NAV2: variants seen among roughly 807,000 people sequenced by gnomAD.
NAV2 encodes helicase, APC down-regulated 1.
NAV2 carries 54 observed loss-of-function variants against 223.2 expected under a neutral mutation model. The ratio of observed to expected loss-of-function variants is 0.24; its 90% CI spans 0.19 to 0.30. NAV2 has a LOEUF of 0.30. Among genes scored for constraint, NAV2 ranks in the 10% least tolerant of loss-of-function variants. NAV2 has a pLI of 1.00. For missense variants in NAV2, 2,806 were observed against 3,147.5 expected, an observed-to-expected ratio of 0.89 and a Z score of 2.60; for synonymous variants, 1,279 against 1,239.3, an observed-to-expected ratio of 1.03 and a Z score of -0.67.
chr11:19,633,860 G>A (rs1565122386), intron 1 of NAV2, among the ~76,000 whole-genome samples: 1 of 152,232 alleles, frequency 6.6e-6, no homozygotes, highest in Non-Finnish European at 1.5e-5. Flanking sequence ...TACCAGCTGT[G>A]TGGCCTCTTG....
In NAV2 at chr11:20,118,310, C is replaced by A; in HGVS notation, c.*52C>A. On this transcript the variant is annotated 3_prime_UTR_variant, in exon 38 of 38. Transcript: ENST00000349880. ...TCTTCTCCTCACCGCATTCCACCTG[C>A]ATCCCCCACATCACCCTGAAGATGA... 1 of 1,595,524 alleles carries A rather than the reference C, an allele frequency of 6.3e-7. No individual in the cohort carries two copies. The highest frequency in any genetic ancestry group is 1.1e-5 in the South Asian group (1 of 89,866).
intron 1 of NAV2, among the ~76,000 whole-genome samples, chr11:19,680,097 G>A (rs899073833): frequency 2.0e-5 from 3 of 152,202 alleles, no homozygotes; most frequent in Admixed American, 6.5e-5. Context: ...TGGAAAAGAG[G>A]AGGGCTCCAG....
chr11:20,035,486 C>G (rs1404651213), intron 11 of NAV2, among the ~76,000 whole-genome samples: 2 of 152,118 alleles, frequency 1.3e-5, no homozygotes, highest in East Asian at 3.9e-4. Flanking sequence ...TTGCCGCTCT[C>G]CCTCGCTCGG....
At chr11:19,992,072 A>C (rs1335933731) in intron 11 of NAV2, among the ~76,000 whole-genome samples, 1 of 152,248 alleles carries the variant, frequency 6.6e-6, no homozygotes, top group Non-Finnish European at 1.5e-5. Flanking sequence ...AACGATCTTC[A>C]CTGGTTTCTT....
intron 1 of NAV2, among the ~76,000 whole-genome samples, chr11:19,375,205 A>G (rs535170548): frequency 6.6e-6 from 1 of 152,288 alleles, no homozygotes; most frequent in East Asian, 1.9e-4. Flanking sequence ...TGATCCCTTT[A>G]GCTTTGAGTA....
intron 1 of NAV2, among the ~76,000 whole-genome samples, chr11:19,592,508 T>A (rs1453367874): frequency 6.6e-6 from 1 of 152,150 alleles, no homozygotes; most frequent in Admixed American, 6.6e-5. Context: ...CCCCACTATG[T>A]TATAAAGCTT....
chr11:19,627,808 T>C (rs144039442), intron 1 of NAV2, among the ~76,000 whole-genome samples: 2,555 of 151,690 alleles, frequency 0.017, 44 homozygotes, highest in Non-Finnish European at 0.023. Flanking sequence ...AGTGAGAATA[T>C]TGGCTCCAGA....
chr11:19,948,258 G>A (rs2047095817), intron 9 of NAV2, among the ~76,000 whole-genome samples: 2 of 152,016 alleles, frequency 1.3e-5, no homozygotes, highest in African/African-American at 4.8e-5. Context: ...GCTAATTTTT[G>A]TATTTTTAGT....
intron 8 of NAV2, among the ~76,000 whole-genome samples, chr11:19,945,560 G>A (rs2046872141): frequency 6.6e-6 from 1 of 152,144 alleles, no homozygotes; most frequent in African/African-American, 2.4e-5. Context: ...TCCCAGGCTG[G>A]TCTTGAACTC....
chr11:19,645,618 C>T (rs1416399258), intron 1 of NAV2, among the ~76,000 whole-genome samples: 1 of 152,066 alleles, frequency 6.6e-6, no homozygotes, highest in East Asian at 1.9e-4. Flanking sequence ...TATCAACACG[C>T]TGAAAAGGGA....
At chr11:19,873,247 T>A (rs1486971324) in intron 4 of NAV2, among the ~76,000 whole-genome samples, 2 of 152,052 alleles carry the variant, frequency 1.3e-5, no homozygotes, top group African/African-American at 4.8e-5. Flanking sequence ...TAACCTTGAT[T>A]CCAGTTAATA....
chr11:19,567,230 C>T (rs2045294875), intron 1 of NAV2, among the ~76,000 whole-genome samples: 1 of 152,148 alleles, frequency 6.6e-6, no homozygotes, highest in Admixed American at 6.5e-5. Flanking sequence ...CTGTGGACTT[C>T]TTGCAGCCAA....
chr11:19,376,303 G>A (rs1446142492), intron 1 of NAV2, among the ~76,000 whole-genome samples: 1 of 152,204 alleles, frequency 6.6e-6, no homozygotes, highest in East Asian at 1.9e-4. Flanking sequence ...AATTGCTGGT[G>A]AAGCATCCTA....
chr11:19,835,129 C>G (rs1051481800), intron 2 of NAV2, among the ~76,000 whole-genome samples: 1 of 152,152 alleles, frequency 6.6e-6, no homozygotes, highest in Non-Finnish European at 1.5e-5. Context: ...TATCATTGCT[C>G]AGGATGATGC....
intron 1 of NAV2, among the ~76,000 whole-genome samples, chr11:19,583,450 T>C (rs912974594): frequency 7.2e-5 from 11 of 152,216 alleles, no homozygotes; most frequent in African/African-American, 2.7e-4. Flanking sequence ...ATCCCTGTCT[T>C]GTGCCAGTTT....
rs375387460 is a variant in NAV2, at chr11:19,857,157, A to G, written c.439-11768A>G. On this transcript the variant is annotated intron_variant, in intron 3 of 37. Coordinates refer to ENST00000349880, the MANE Select transcript of NAV2 (RefSeq NM_145117.5). ...TCTTCCAAAACTGAAGATTCACTGC[A>G]CTCTAGAGACATATCTACTCCTGAA... is the stretch of plus-strand genomic sequence containing the variant. Among the ~76,000 whole-genome samples the G allele has an allele frequency of 2.5e-3, 375 of 152,258 alleles. 14 individuals are homozygous for G. In the South Asian group the frequency reaches 0.072, roughly 29 times the overall value.
At position 19,499,375 on chromosome 11, in the gene NAV2, C is replaced by T. The variant is rs1393363589; in HGVS notation, c.75+148348C>T. Among the ~76,000 whole-genome samples the T allele has an allele frequency of 2.6e-5, 4 of 152,234 alleles. No homozygotes were observed. The East Asian group carries it at 7.7e-4, about 29-fold the overall frequency. On this transcript the variant is annotated intron_variant, in intron 1 of 37. Coordinates refer to the NAV2 transcript ENST00000360655. The stretch of plus-strand genomic sequence containing the variant: ...GCATCTCTTAACCATGCTGACCCCA[C>T]ACAGGGGTCAAGGTGGGAAAGGGCA...
intron 6 of NAV2, among the ~76,000 whole-genome samples, chr11:19,932,410 A>G (rs1272849379): frequency 6.6e-6 from 1 of 152,062 alleles, no homozygotes; most frequent in Non-Finnish European, 1.5e-5. Flanking sequence ...ATCTCAGCTC[A>G]CTGCAACCTC....
At chr11:19,715,962 G>C (rs975219039) in intron 1 of NAV2, among the ~76,000 whole-genome samples, 1 of 152,190 alleles carries the variant, frequency 6.6e-6, no homozygotes, top group Non-Finnish European at 1.5e-5. Context: ...GCAGATCCCT[G>C]TCTGCACAGC....
Sources: gnomAD v4.1 joint callset for allele counts (sites outside exome capture counted in the v4.1 genomes callset) on GRCh38, gnomAD v4.1.1 for gene constraint, MANE v1.5 for transcripts, NCBI Gene and HGNC (gene_info 2026-07-23, HGNC 2026-07-21) for gene names.